Variants in NCKAP1 observed in about 807,000 individuals in gnomAD.
NCKAP1 encodes the protein nck-associated protein 1.
Under a neutral mutation model 151.2 loss-of-function variants are expected in NCKAP1, and 21 were observed. The observed-to-expected ratio is 0.14, with a 90% CI of 0.10 to 0.20. NCKAP1 has a LOEUF of 0.20. Ranked by LOEUF, NCKAP1 falls within the 10% of genes least tolerant of loss-of-function variation. The pLI is 1.00. For missense variants in NCKAP1, 933 were observed against 1,352.1 expected (o/e 0.69, Z 4.86); for synonymous variants, 484 against 451.8 (o/e 1.07, Z -0.90).
chr2:183,005,024 C>T lies in NCKAP1; in HGVS notation c.220-1699G>A, dbSNP rs191433324. 3.2e-3 allele frequency among the ~76,000 whole-genome samples: 482 copies of T among 149,556 alleles called. 3 individuals are homozygous for T. Among genetic ancestry groups the T allele is most frequent in the African/African-American group, 0.012 (460 of 39,648 alleles). ...GAGTAGCTGACTCTATTTTGCACAA[C>T]ATTATCTGTTTCAGAACGATTCCAT... On this transcript the variant is annotated intron_variant, in intron 2 of 30. Coordinates refer to ENST00000361354, the MANE Select transcript of NCKAP1 (RefSeq NM_013436.5).
chr2:182,925,755 G>C lies in NCKAP1; in HGVS notation c.3334C>G (p.Leu1112Val). The change falls in exon 31 of 31, where the codon CTG becomes GTG. Residue 1112 changes from leucine to valine, a missense_variant. This residue lies in a region of NCKAP1 where 326 missense variants were observed against 557.1 expected (regional missense o/e 0.59). Coordinates refer to ENST00000361354, the MANE Select transcript of NCKAP1 (RefSeq NM_013436.5). ...LLESCFPYVL[L>V]RNAYHAVYKQ... ...TAGACAGCATGGTATGCATTTCTCA[G>C]CAAGACATAAGGAAAACAAGATTCC... 1 of 1,591,880 alleles carries C rather than the reference G, an allele frequency of 6.3e-7. No homozygotes were observed. Among genetic ancestry groups the C allele is most frequent in the Non-Finnish European group, 8.5e-7 (1 of 1,170,162 alleles).
At chr2:182,981,620 T>C (rs990868733) in intron 12 of NCKAP1, among the ~76,000 whole-genome samples, 1 of 151,490 alleles carries the variant, frequency 6.6e-6, no homozygotes, top group Admixed American at 6.6e-5. Context: ...AAACTGAAAA[T>C]AAGCAGGGCC....
chr2:182,936,555 CAGTAACTGTTAA>C lies in NCKAP1; in HGVS notation c.2696-1192_2696-1181del, dbSNP rs1696880058. ...TTTCTGGAAAGAGATGTATATACTA[CAGTAACTGTTAA>C]AGTTACTAGTTGAGGAGTAGGAATA... On this transcript the variant is annotated intron_variant, in intron 24 of 30. Coordinates refer to ENST00000361354, the MANE Select transcript of NCKAP1 (RefSeq NM_013436.5). Among the ~76,000 whole-genome samples the C allele has an allele frequency of 2.0e-5, 3 of 152,242 alleles. No homozygotes were observed. The South Asian group carries it at 6.2e-4, about 32-fold the overall frequency.
intron 23 of NCKAP1, among the ~76,000 whole-genome samples, chr2:182,948,959 C>G (rs1478635782): frequency 6.6e-6 from 1 of 151,992 alleles, no homozygotes; most frequent in Non-Finnish European, 1.5e-5. Flanking sequence ...AGAGTTTGTA[C>G]AGAGGAAGGA....
At chr2:182,960,693 C>T in intron 18 of NCKAP1, among the ~76,000 whole-genome samples, 1 of 152,188 alleles carries the variant, frequency 6.6e-6, no homozygotes, top group Non-Finnish European at 1.5e-5. Flanking sequence ...ATGTCTAAAA[C>T]ACCAAAAGCA....
chr2:182,944,864 G>A (rs966135758), intron 23 of NCKAP1, among the ~76,000 whole-genome samples: 1 of 152,196 alleles, frequency 6.6e-6, no homozygotes, highest in Non-Finnish European at 1.5e-5. Context: ...CACTTTGGGA[G>A]GCCAAGGTGG....
At chr2:182,994,718 G>A (rs1049351102) in intron 8 of NCKAP1, 121 bp downstream of exon 8, 6 of 737,574 alleles carry the variant, frequency 8.1e-6, no homozygotes, top group South Asian at 1.8e-5. Context: ...ACTGAAAGAG[G>A]TAATGGACAT....
At chr2:182,961,844 A>G (rs1344257771) in intron 18 of NCKAP1, among the ~76,000 whole-genome samples, 1 of 152,330 alleles carries the variant, frequency 6.6e-6, no homozygotes, top group African/African-American at 2.4e-5. Flanking sequence ...AGTACAGTGG[A>G]TTGAAAATCA....
chr2:182,930,435 A>T (rs927793322), intron 27 of NCKAP1, among the ~76,000 whole-genome samples: 37 of 151,988 alleles, frequency 2.4e-4, no homozygotes, highest in African/African-American at 8.7e-4. Flanking sequence ...AGAATGGCTC[A>T]AGGCTCAGAC....
rs956516175 is a variant in NCKAP1 at position 182,952,627 on chromosome 2, T to G, written c.2504-125A>C. 4.6e-6 allele frequency: 5 copies of G among 1,083,038 alleles called. No individual in the cohort carries two copies. The African/African-American group carries it at 8.1e-5, about 18-fold the overall frequency. The allele number at this position is 1,083,038 out of a possible 1,614,324, so 67.1% of individuals were successfully genotyped here. On this transcript the variant is annotated intron_variant, in intron 22 of 30. Coordinates refer to ENST00000361354, the MANE Select transcript of NCKAP1 (RefSeq NM_013436.5). ...AAAATCCTGATAAAAGTCTCTAGAG[T>G]GAAAGAGAGAATACAAAATGCAAAA...
At chr2:182,949,760 A>G (rs1244265072) in intron 23 of NCKAP1, among the ~76,000 whole-genome samples, 1 of 152,216 alleles carries the variant, frequency 6.6e-6, no homozygotes, top group East Asian at 1.9e-4. Context: ...ACACCACTGC[A>G]CTCCAGCCTG....
At position 182,957,631 on chromosome 2, in the gene NCKAP1, C is replaced by G. The variant is rs371609151; in HGVS notation, c.1882-35G>C. ...GAAAAGAATGAAATCTTACATTACA[C>G]CAATTACTCTGAAAGCATACTAACT... is the stretch of plus-strand genomic sequence containing the variant. On this transcript the variant is annotated intron_variant, in intron 18 of 30. Transcript: ENST00000361354. 2.5e-6 allele frequency: 4 copies of G among 1,599,830 alleles called. No individual in the cohort carries two copies. In the African/African-American group the frequency reaches 4.0e-5, roughly 16 times the overall value.
At chr2:182,945,443 G>T (rs984769759) in intron 23 of NCKAP1, among the ~76,000 whole-genome samples, 2 of 151,760 alleles carry the variant, frequency 1.3e-5, no homozygotes, top group African/African-American at 4.8e-5. Flanking sequence ...ATTACAGAAT[G>T]ATCTTTAAAA....
chr2:182,961,628 T>C (rs1308080842), intron 18 of NCKAP1, among the ~76,000 whole-genome samples: 1 of 152,108 alleles, frequency 6.6e-6, no homozygotes. Flanking sequence ...TACCTAATGT[T>C]AAATGACGAG....
At chr2:182,983,045 G>A in intron 11 of NCKAP1, 118 bp from the exon 12 acceptor site, 1 of 782,928 alleles carries the variant, frequency 1.3e-6, no homozygotes, top group African/African-American at 1.8e-5. Flanking sequence ...AAAGAGTGAA[G>A]AGACTAACAG....
At chr2:182,927,018 AAAT>A (rs2105796467) in intron 29 of NCKAP1, 113 bp from the exon 30 acceptor site, 2 of 663,786 alleles carry the variant, frequency 3.0e-6, no homozygotes, top group East Asian at 6.0e-5. Flanking sequence ...GCTAAATATA[AAAT>A]AATGAGCAAT....
At chr2:182,968,575 T>C (rs1267686900) in intron 15 of NCKAP1, among the ~76,000 whole-genome samples, 1 of 152,206 alleles carries the variant, frequency 6.6e-6, no homozygotes, top group Non-Finnish European at 1.5e-5. Context: ...CAGCTGATGA[T>C]AAAATAGAGG....
chr2:183,021,062 A>ATTC (rs1698789256), intron 2 of NCKAP1, among the ~76,000 whole-genome samples: 1 of 152,264 alleles, frequency 6.6e-6, no homozygotes, highest in South Asian at 2.1e-4. Context: ...AAGTCATAAC[A>ATTC]TTCAACAACA....
At chr2:182,958,623 T>C (rs1439269985) in intron 18 of NCKAP1, among the ~76,000 whole-genome samples, 1 of 152,154 alleles carries the variant, frequency 6.6e-6, no homozygotes, top group Admixed American at 6.5e-5. Context: ...TGAGATAAAA[T>C]TGAAAGGATT....
Sources: gnomAD v4.1 joint callset for allele counts (sites outside exome capture counted in the v4.1 genomes callset) on GRCh38, gnomAD v4.1.1 for gene constraint, gnomAD v4.1.1 regional missense constraint, MANE v1.5 for transcripts, NCBI Gene and HGNC (gene_info 2026-07-23, HGNC 2026-07-21) for gene names.